SLFN12L: variants seen among roughly 807,000 people sequenced by gnomAD.
The protein encoded by SLFN12L is schlafen family member 12-like.
In SLFN12L, 34 loss-of-function variants were observed where a neutral mutation model predicts 34.8. That is an observed-to-expected ratio of 0.98 (90% CI 0.74 to 1.30). The LOEUF is 1.30. Among genes scored for constraint, SLFN12L ranks in the 50% most tolerant of loss-of-function variants. The pLI is 0.00. For missense variants in SLFN12L, 703 were observed against 696.2 expected, an observed-to-expected ratio of 1.01 and a Z score of -0.11; for synonymous variants, 259 against 247.5, an observed-to-expected ratio of 1.05 and a Z score of -0.44.
At position 35,522,458 on chromosome 17, in the gene SLFN12L, C is replaced by A. The variant is rs769235088; in HGVS notation, c.-94G>T. 113 of 1,613,752 alleles carry A rather than the reference C, an allele frequency of 7.0e-5. No homozygotes were observed. The highest frequency in any genetic ancestry group is 9.4e-5 in the Non-Finnish European group (111 of 1,179,864). ...GGAAGCTTCTGGAGAATATCTCATA[C>A]TGCTGGGCTGTGAGCAGATTTAAAA... On this transcript the variant is annotated 5_prime_UTR_variant, in exon 2 of 5. Coordinates refer to ENST00000628453, the MANE Select transcript of SLFN12L (RefSeq NM_001363830.2).
intron 1 of SLFN12L, among the ~76,000 whole-genome samples, chr17:35,526,029 G>T (rs1443322776): frequency 6.6e-6 from 1 of 152,030 alleles, no homozygotes. Flanking sequence ...CCAAGCAAAG[G>T]AAAGCAAAGA....
rs986633759 is a variant in SLFN12L at position 35,498,271 on chromosome 17, G to T, written c.87-18076C>A. The T allele has an allele frequency of 1.1e-5, 9 of 786,314 alleles. No homozygotes were observed. The African/African-American group carries it at 1.5e-4, about 13-fold the overall frequency. 48.7% of individuals were successfully genotyped at this position (786,314 alleles called of 1,614,324 possible). On this transcript the variant is annotated intron_variant, in intron 2 of 4. Coordinates refer to ENST00000628453, the MANE Select transcript of SLFN12L (RefSeq NM_001363830.2). ...ATGGCAGTGTCCTGCTACCTCAAAC[G>T]CTGGCAGTACGTGGACTCAGACGGT...
intron 2 of SLFN12L, among the ~76,000 whole-genome samples, chr17:35,520,128 C>A (rs1250774124): frequency 6.6e-6 from 1 of 152,202 alleles, no homozygotes; most frequent in Admixed American, 6.5e-5. Context: ...TAGCCACAAG[C>A]TTTTTCTTTT....
At chr17:35,512,559 G>A (rs1411427120) in intron 2 of SLFN12L, among the ~76,000 whole-genome samples, 1 of 151,926 alleles carries the variant, frequency 6.6e-6, no homozygotes, top group African/African-American at 2.4e-5. Context: ...GTACAGACGG[G>A]GTTTCACTGT....
At chr17:35,531,483 C>T (rs1380709595) in intron 1 of SLFN12L, among the ~76,000 whole-genome samples, 2 of 152,084 alleles carry the variant, frequency 1.3e-5, no homozygotes, top group Non-Finnish European at 2.9e-5. Flanking sequence ...ATACAAAGTG[C>T]CATTTGTGAC....
rs758339876 is a variant in SLFN12L at position 35,469,766 on chromosome 17, G to A, written c.*5157C>T. Among the ~76,000 whole-genome samples, 9 of 152,036 alleles carry A rather than the reference G, an allele frequency of 5.9e-5. No individual in the cohort carries two copies. Among genetic ancestry groups the A allele is most frequent in the African/African-American group, 1.9e-4 (8 of 41,442 alleles). ...TCATACTCTAAGCTACTCACACATC[G>A]AGCCAATATTTTCCCTACCCTACAT... On this transcript the variant is annotated 3_prime_UTR_variant, in exon 5 of 5. Coordinates refer to ENST00000628453, the MANE Select transcript of SLFN12L (RefSeq NM_001363830.2).
In SLFN12L at chr17:35,533,262, C is replaced by A. The variant is rs547920068; in HGVS notation, c.-606+4311G>T. Among the ~76,000 whole-genome samples the A allele has an allele frequency of 3.3e-5, 5 of 152,288 alleles. No individual in the cohort carries two copies. In the East Asian group the frequency reaches 9.6e-4, roughly 29 times the overall value. ...AAGATGCATATTAATGAACTAGGTA[C>A]TTCTCAATTGTTGAAATTGCTCTCA... On this transcript the variant is annotated intron_variant, in intron 1 of 4. Transcript: ENST00000628453.
intron 2 of SLFN12L, among the ~76,000 whole-genome samples, chr17:35,508,111 TC>T (rs1463867360): frequency 6.6e-6 from 1 of 152,168 alleles, no homozygotes; most frequent in Non-Finnish European, 1.5e-5. Flanking sequence ...ACTGTGAAAA[TC>T]CCTGTCCTGT....
Position 35,474,727 on chromosome 17 carries a change from C to T in SLFN12L, c.*196G>A. The T allele has an allele frequency of 2.4e-6, 1 of 420,828 alleles. No individual in the cohort carries two copies. The allele number at this position is 420,828 out of a possible 1,614,324, so 26.1% of individuals were successfully genotyped here. On this transcript the variant is annotated 3_prime_UTR_variant, in exon 5 of 5. Transcript: ENST00000628453. Reference sequence around the variant, plus strand: ...AATCACGAGGTCAGGAGTTCAAGACCAGCCTGGCCAAGACGGTGAAACCCC... The same window carrying T: ...AATCACGAGGTCAGGAGTTCAAGACTAGCCTGGCCAAGACGGTGAAACCCC...
chr17:35,492,367 C>T (rs1323747349), intron 2 of SLFN12L, among the ~76,000 whole-genome samples: 1 of 152,172 alleles, frequency 6.6e-6, no homozygotes, highest in African/African-American at 2.4e-5. Flanking sequence ...TGGGTCCCTC[C>T]ATCCTTGGGC....
At chr17:35,482,251 C>T (rs1419205953) in intron 2 of SLFN12L, among the ~76,000 whole-genome samples, 1 of 152,234 alleles carries the variant, frequency 6.6e-6, no homozygotes, top group East Asian at 1.9e-4. Context: ...AATTCTAACA[C>T]CCAACATGAT....
rs375044298 is a variant in SLFN12L at position 35,497,115 on chromosome 17, G to A, written c.87-16920C>T. ...TCTACAAAAAACAAAACTAGACCGA[G>A]CGCAGTGGCTCACGCCTGTAATCTC... On this transcript the variant is annotated intron_variant, in intron 2 of 4. Transcript: ENST00000628453. Among the ~76,000 whole-genome samples the A allele has an allele frequency of 2.6e-5, 4 of 152,334 alleles. No individual in the cohort carries two copies. The East Asian group carries it at 5.8e-4, about 22-fold the overall frequency.
chr17:35,489,049 G>C (rs1157806748), intron 2 of SLFN12L, among the ~76,000 whole-genome samples: 1 of 152,170 alleles, frequency 6.6e-6, no homozygotes, highest in Non-Finnish European at 1.5e-5. Context: ...CAGCCTAGGC[G>C]ACAGAGCGAG....
At chr17:35,508,184 T>G (rs183925301) in intron 2 of SLFN12L, among the ~76,000 whole-genome samples, 160 of 152,330 alleles carry the variant, frequency 1.1e-3, no homozygotes, top group African/African-American at 3.3e-3. Flanking sequence ...GCTTGCTCAA[T>G]CAATCACGAC....
At position 35,487,890 on chromosome 17, in the gene SLFN12L, C is replaced by T; in HGVS notation, c.87-7695G>A. Reference sequence around the variant, plus strand: ...GTGGCACCGCACGCGCTGTTATCGACTCTGCGCCTTTGGAAACGGTGTGTC... The same window carrying T: ...GTGGCACCGCACGCGCTGTTATCGATTCTGCGCCTTTGGAAACGGTGTGTC... On this transcript the variant is annotated intron_variant, in intron 2 of 4. Coordinates refer to ENST00000628453, the MANE Select transcript of SLFN12L (RefSeq NM_001363830.2). 3.6e-6 allele frequency: 3 copies of T among 826,764 alleles called. No individual in the cohort carries two copies. In the South Asian group the frequency reaches 4.3e-5, roughly 12 times the overall value. 51.2% of individuals were successfully genotyped at this position (826,764 alleles called of 1,614,324 possible). A position where few individuals can be genotyped will look rare whatever the true frequency, so the allele number is the denominator to read the frequency against.
In SLFN12L at chr17:35,475,349, C is replaced by T; in HGVS notation, c.1413G>A (p.Trp471Ter). The T allele has an allele frequency of 6.2e-7, 1 of 1,614,172 alleles. No individual in the cohort carries two copies. The highest frequency in any genetic ancestry group is 1.3e-5 in the African/African-American group (1 of 75,038). ...TCTCTTGCAAGCCCAGATCCAAAGA[C>T]CAGCTCCTAGAGAAGATCAGTGAGC... ...NKGSLIFSRS[W>*]SLDLGLQENH... Residue 471 changes from tryptophan (W) to a stop codon, truncating the protein, a stop_gained, in exon 5 of 5, where the codon TGG (tryptophan) becomes TGA (stop). Transcript: ENST00000628453. LOFTEE classifies it low-confidence loss of function (END_TRUNC).
intron 1 of SLFN12L, among the ~76,000 whole-genome samples, chr17:35,525,633 T>C (rs368466671): frequency 6.6e-6 from 1 of 152,132 alleles, no homozygotes; most frequent in South Asian, 2.1e-4. Flanking sequence ...GAAGGAGAAA[T>C]AAAATCCTTT....
At chr17:35,490,140 C>T in intron 2 of SLFN12L, 2 of 1,606,558 alleles carry the variant, frequency 1.2e-6, no homozygotes, top group Admixed American at 1.7e-5. Flanking sequence ...CTCTACACCA[C>T]GCCGCAGGGA....
Position 35,513,487 on chromosome 17 carries a change from CT to C in SLFN12L, c.86+8791del, listed in dbSNP as rs1426766727. On this transcript the variant is annotated intron_variant, in intron 2 of 4. Coordinates refer to ENST00000628453, the MANE Select transcript of SLFN12L (RefSeq NM_001363830.2). ...CACAGATTTTTAGGCAGAATGAAAG[CT>C]ATCTGTACAATGAGAAATGCTGCTC... Among the ~76,000 whole-genome samples, 4 of 152,228 alleles carry C rather than the reference CT, an allele frequency of 2.6e-5. No homozygotes were observed. The South Asian group carries it at 6.2e-4, about 24-fold the overall frequency.
Sources: allele counts gnomAD v4.1 joint callset (sites outside exome capture counted in the v4.1 genomes callset), GRCh38; gene constraint gnomAD v4.1.1; transcripts MANE v1.5; gene names NCBI Gene and HGNC (gene_info 2026-07-23, HGNC 2026-07-21).